NAF1: variants seen among roughly 807,000 people sequenced by gnomAD.
NAF1 encodes the protein H/ACA ribonucleoprotein complex non-core subunit NAF1.
NAF1 carries 11 observed loss-of-function variants against 40.6 expected under a neutral mutation model. The observed-to-expected ratio is 0.27, with a 90% CI of 0.17 to 0.45. NAF1 has a LOEUF of 0.45. Among genes scored for constraint, NAF1 ranks in the 20% least tolerant of loss-of-function variants. The probability of loss-of-function intolerance (pLI) is 1.00; values close to 1 mark genes in which losing one functional copy is unlikely to be tolerated. For missense variants in NAF1, 607 were observed against 611.1 expected (o/e 0.99, Z 0.07); for synonymous variants, 260 against 228.5 (o/e 1.14, Z -1.24).
chr4:163,109,187 CT>C (rs1730099553), downstream of NAF1, among the ~76,000 whole-genome samples: 3 of 139,270 alleles, frequency 2.2e-5, no homozygotes, highest in Non-Finnish European at 4.6e-5. Context: ...CACATGGAAA[CT>C]TAATCTTGGA....
rs1274734015 is a variant in NAF1, at chr4:163,164,332, G to A, written c.425C>T (p.Ser142Phe). ...AGGAAGTGATATACAAGAGGAAGAA[G>A]ACGACGATGAGGAAGATGAAGAGGA... ...SSSSSSSSSS[S>F]SSSCISLPPV... The change falls in exon 2 of 8, where the codon TCT (serine) becomes TTT (phenylalanine). Residue 142 changes from serine (S) to phenylalanine (F), a missense_variant. Ser to Phe is a radical substitution (Grantham distance 155). Coordinates refer to ENST00000274054, the MANE Select transcript of NAF1 (RefSeq NM_138386.3). The A allele has an allele frequency of 6.2e-7, 1 of 1,600,964 alleles. No homozygotes were observed. The highest frequency in any genetic ancestry group is 1.7e-5 in the Admixed American group (1 of 58,238).
chr4:163,117,091 A>C (rs1418456623), intron 2 of NAF1, among the ~76,000 whole-genome samples: 1 of 152,164 alleles, frequency 6.6e-6, no homozygotes, highest in Non-Finnish European at 1.5e-5. Context: ...CTGGTTTCAA[A>C]ACATGCTGAG....
In NAF1 at chr4:163,166,771, T is replaced by C. The variant is rs766867394; in HGVS notation, c.-44A>G. On this transcript the variant is annotated 5_prime_UTR_variant, in exon 1 of 8. Coordinates refer to ENST00000274054, the MANE Select transcript of NAF1 (RefSeq NM_138386.3). ...GGGTCGGCCTCAGGATTGGGGCCCCTGGACAAGCTCACGGCTCTCTCCAGA... is the reference window on the plus strand; with the variant it reads ...GGGTCGGCCTCAGGATTGGGGCCCCCGGACAAGCTCACGGCTCTCTCCAGA... The C allele has an allele frequency of 1.2e-6, 2 of 1,608,762 alleles. No homozygotes were observed. Among genetic ancestry groups the C allele is most frequent in the Non-Finnish European group, 1.7e-6 (2 of 1,178,074 alleles).
chr4:163,117,942 AT>A (rs1213689700), intron 2 of NAF1, among the ~76,000 whole-genome samples: 1 of 152,104 alleles, frequency 6.6e-6, no homozygotes, highest in Non-Finnish European at 1.5e-5. Context: ...AAAAATAATA[AT>A]TTTTCTAAAA....
intron 6 of NAF1, among the ~76,000 whole-genome samples, chr4:163,136,475 C>T (rs951501701): frequency 6.6e-6 from 1 of 150,942 alleles, no homozygotes; most frequent in African/African-American, 2.4e-5. Context: ...TAAATACATG[C>T]TATTTTTAAG....
At chr4:163,106,606 T>G (rs1005757925), downstream of NAF1, among the ~76,000 whole-genome samples, 14 of 152,314 alleles carry the variant, frequency 9.2e-5, no homozygotes, top group Middle Eastern at 3.4e-3. Context: ...TTTCTGTATT[T>G]TTCTCTGCCC....
In NAF1 at chr4:163,128,752, C is replaced by CA. The variant is rs1730745258; in HGVS notation, c.*144dup. 1.7e-6 allele frequency: 2 copies of CA among 1,166,370 alleles called. No individual in the cohort carries two copies. Among genetic ancestry groups the CA allele is most frequent in the Non-Finnish European group, 2.2e-6 (2 of 900,348 alleles). 72.3% of individuals were successfully genotyped at this position (1,166,370 alleles called of 1,614,324 possible). On this transcript the variant is annotated 3_prime_UTR_variant, in exon 8 of 8. Transcript: ENST00000274054. ...TATGAATACAATTTCACAAAGGTTA[C>CA]AAATATATATCAACTTACAACAGAA...
At position 163,166,213 on chromosome 4, in the gene NAF1, G is replaced by T. The variant is rs144380775; in HGVS notation, c.365+150C>A. On this transcript the variant is annotated intron_variant, in intron 1 of 7. Coordinates refer to ENST00000274054, the MANE Select transcript of NAF1 (RefSeq NM_138386.3). ...AGGCAGCGAATAAGGGGCAGTCGGA[G>T]CCAATACTTCAACACGTGAGCCCGG... The T allele has an allele frequency of 2.2e-4, 218 of 972,260 alleles. No homozygotes were observed. The African/African-American group carries it at 3.2e-3, about 14-fold the overall frequency. The allele number at this position is 972,260 out of a possible 1,614,324, so 60.2% of individuals were successfully genotyped here.
chr4:163,129,444 T>C (rs1730787176), intron 7 of NAF1, 96 bp from the exon 8 acceptor site: 2 of 1,259,802 alleles, frequency 1.6e-6, no homozygotes, highest in South Asian at 3.1e-5. Flanking sequence ...TATTATCCAG[T>C]ATATCTTGTG....
At chr4:163,137,380 G>A (rs1270786500) in intron 5 of NAF1, 130 bp from the exon 6 acceptor site, 4 of 909,730 alleles carry the variant, frequency 4.4e-6, no homozygotes, top group South Asian at 1.9e-5. Flanking sequence ...ATACAGTTAT[G>A]TGTCTTTTAC....
At chr4:163,119,368 G>A (rs778214298) in intron 2 of NAF1, 13 of 151,984 alleles carry the variant, frequency 8.6e-5, no homozygotes, top group East Asian at 3.9e-4. Context: ...CCTAAATGAC[G>A]GACTCTTTGT....
chr4:163,108,598 TAAATC>T, downstream of NAF1, among the ~76,000 whole-genome samples: 1 of 152,358 alleles, frequency 6.6e-6, no homozygotes, highest in Non-Finnish European at 1.5e-5. Flanking sequence ...TATTGGTTGA[TAAATC>T]AAGAAATCTT....
chr4:163,124,588 CCA>C (rs1730601469), downstream of NAF1, among the ~76,000 whole-genome samples: 1 of 152,068 alleles, frequency 6.6e-6, no homozygotes, highest in Non-Finnish European at 1.5e-5. Context: ...ACAGGTGCAA[CCA>C]CACATTTTAT....
At position 163,151,106 on chromosome 4, in the gene NAF1, T is replaced by TA. The variant is rs142691120; in HGVS notation, c.541-2673dup. 4.0e-4 allele frequency among the ~76,000 whole-genome samples: 59 copies of TA among 148,406 alleles called. 1 individual carries two copies. Among genetic ancestry groups the TA allele is most frequent in the East Asian group, 1.6e-3 (8 of 5,110 alleles). ...TAAGGGCTTATCTTTTATTAATTTA[T>TA]AAAAAAAAAACCTTTGGATTTTCAA... On this transcript the variant is annotated intron_variant, in intron 2 of 7. Coordinates refer to ENST00000274054, the MANE Select transcript of NAF1 (RefSeq NM_138386.3).
chr4:163,165,450 A>G (rs1032018038), intron 1 of NAF1, among the ~76,000 whole-genome samples: 2 of 152,198 alleles, frequency 1.3e-5, no homozygotes, highest in Admixed American at 6.5e-5. Context: ...ATGAGCTCTG[A>G]AATCCCACAA....
At chr4:163,147,240 C>CA (rs1441891492) in intron 3 of NAF1, among the ~76,000 whole-genome samples, 2 of 152,046 alleles carry the variant, frequency 1.3e-5, no homozygotes, top group African/African-American at 2.4e-5. Flanking sequence ...TCAATATAGA[C>CA]ACTGTTAGAA....
intron 5 of NAF1, among the ~76,000 whole-genome samples, chr4:163,138,181 T>A (rs1731128598): frequency 6.6e-6 from 1 of 152,126 alleles, no homozygotes; most frequent in African/African-American, 2.4e-5. Flanking sequence ...AGATGTCAGT[T>A]TGCTGGCACA....
downstream of NAF1, among the ~76,000 whole-genome samples, chr4:163,122,709 C>T (rs1730549810): frequency 6.6e-6 from 1 of 152,168 alleles, no homozygotes; most frequent in African/African-American, 2.4e-5. Context: ...ACCATGAGGG[C>T]TCCCCCCTCA....
chr4:163,109,952 A>G (rs1026921259), downstream of NAF1: 5 of 308,638 alleles, frequency 1.6e-5, no homozygotes, highest in African/African-American at 1.1e-4. Flanking sequence ...TAAAATGCAG[A>G]TATGTAATCC....
Sources: allele counts gnomAD v4.1 joint callset (sites outside exome capture counted in the v4.1 genomes callset), GRCh38; gene constraint gnomAD v4.1.1; transcripts MANE v1.5; gene names NCBI Gene and HGNC (gene_info 2026-07-23, HGNC 2026-07-21).